NPAS3: variants seen among roughly 807,000 people sequenced by gnomAD.
NPAS3 encodes the protein neuronal PAS domain-containing protein 3.
NPAS3 carries 14 observed loss-of-function variants against 73.1 expected under a neutral mutation model. The observed-to-expected ratio is 0.19, with a 90% CI of 0.13 to 0.30. The LOEUF (loss-of-function observed/expected upper bound fraction) is 0.30. Ranked by LOEUF, NPAS3 falls within the 10% of genes least tolerant of loss-of-function variation. The pLI is 1.00. For synonymous variants in NPAS3, 620 were observed against 541.5 expected (o/e 1.14, Z -2.01); for missense variants, 1,096 against 1,250.0 (o/e 0.88, Z 1.86).
At chr14:33,006,875 T>C (rs1161109127) in intron 1 of NPAS3, among the ~76,000 whole-genome samples, 1 of 152,178 alleles carries the variant, frequency 6.6e-6, no homozygotes, top group Non-Finnish European at 1.5e-5. Flanking sequence ...AATCAGAACA[T>C]TTATAATTCT....
At chr14:33,006,523 A>G (rs1168392399) in intron 1 of NPAS3, among the ~76,000 whole-genome samples, 1 of 152,204 alleles carries the variant, frequency 6.6e-6, no homozygotes, top group Non-Finnish European at 1.5e-5. Flanking sequence ...ATGGGTTACC[A>G]CAGCCTGGTC....
intron 6 of NPAS3, among the ~76,000 whole-genome samples, chr14:33,685,136 T>C (rs1461921501): frequency 6.6e-6 from 1 of 152,100 alleles, no homozygotes; most frequent in African/African-American, 2.4e-5. Flanking sequence ...GTGTCAGACA[T>C]ACAAAACACC....
At chr14:33,512,572 C>T (rs1328161154) in intron 4 of NPAS3, among the ~76,000 whole-genome samples, 2 of 152,066 alleles carry the variant, frequency 1.3e-5, no homozygotes, top group Non-Finnish European at 2.9e-5. Flanking sequence ...TGAGCAGCTA[C>T]AGGATAAAGA....
chr14:33,196,190 T>C (rs12436285), intron 2 of NPAS3, among the ~76,000 whole-genome samples: 32,128 of 152,180 alleles, frequency 0.21, 3,845 homozygotes, highest in South Asian at 0.38. Flanking sequence ...TTGAATAGCC[T>C]CCTATGTGTA....
chr14:33,613,026 C>T (rs2140057607), intron 5 of NPAS3, among the ~76,000 whole-genome samples: 1 of 152,196 alleles, frequency 6.6e-6, no homozygotes, highest in Admixed American at 6.5e-5. Context: ...TTTATAATTC[C>T]TGATAGAGAT....
intron 1 of NPAS3, among the ~76,000 whole-genome samples, chr14:32,939,739 C>G (rs913235950): frequency 1.3e-5 from 2 of 151,930 alleles, no homozygotes; most frequent in African/African-American, 4.8e-5. Flanking sequence ...GGCCGGGGAT[C>G]CCCGGGGCCG....
rs17101408 is a variant in NPAS3, at chr14:33,511,401, A to G, written c.469-48720A>G. ...TCCCTTTCGGCAGGTTTCACCAGAC[A>G]ATTCAATTATGAACTGTTTTAGAAA... is the stretch of plus-strand genomic sequence containing the variant. On this transcript the variant is annotated intron_variant, in intron 4 of 11. Transcript: ENST00000356141. Among the ~76,000 whole-genome samples the G allele has an allele frequency of 4.3e-3, 656 of 152,196 alleles. 7 individuals are homozygous for G. Among genetic ancestry groups the G allele is most frequent in the African/African-American group, 0.015 (619 of 41,560 alleles).
At chr14:33,728,151 G>A (rs963752339) in intron 6 of NPAS3, among the ~76,000 whole-genome samples, 1 of 152,084 alleles carries the variant, frequency 6.6e-6, no homozygotes, top group Admixed American at 6.6e-5. Flanking sequence ...CTCCCTCAGG[G>A]GACAGTCTCA....
intron 5 of NPAS3, among the ~76,000 whole-genome samples, chr14:33,581,617 C>A (rs2056666634): frequency 6.6e-6 from 1 of 152,214 alleles, no homozygotes; most frequent in Admixed American, 6.5e-5. Flanking sequence ...GTCGCCCAGG[C>A]TGGAGTGCAG....
chr14:32,985,198 A>T (rs912502841), intron 1 of NPAS3, among the ~76,000 whole-genome samples: 1 of 152,182 alleles, frequency 6.6e-6, no homozygotes, highest in Admixed American at 6.5e-5. Flanking sequence ...AGAAAATGGT[A>T]AACAAAGAAA....
chr14:33,752,293 C>T (rs2061987459), intron 7 of NPAS3, among the ~76,000 whole-genome samples: 1 of 152,002 alleles, frequency 6.6e-6, no homozygotes, highest in African/African-American at 2.4e-5. Context: ...ATAATCAGTG[C>T]TCTCAACTGC....
intron 1 of NPAS3, among the ~76,000 whole-genome samples, chr14:32,989,480 T>C (rs2038228585): frequency 6.6e-6 from 1 of 151,936 alleles, no homozygotes; most frequent in African/African-American, 2.4e-5. Flanking sequence ...CCGTCTCTAC[T>C]AAAAATACAA....
At chr14:33,167,393 G>A (rs2045203548) in intron 2 of NPAS3, among the ~76,000 whole-genome samples, 1 of 151,986 alleles carries the variant, frequency 6.6e-6, no homozygotes, top group South Asian at 2.1e-4. Flanking sequence ...ATGGAAAATG[G>A]AATGAATACA....
chr14:33,515,681 G>A (rs1167120360), intron 4 of NPAS3, among the ~76,000 whole-genome samples: 4 of 151,992 alleles, frequency 2.6e-5, no homozygotes, highest in African/African-American at 2.4e-5. Context: ...TCCAACTCAC[G>A]GAATACAGTC....
intron 3 of NPAS3, among the ~76,000 whole-genome samples, chr14:33,283,931 G>T (rs183845181): frequency 6.6e-6 from 1 of 152,162 alleles, no homozygotes. Context: ...GATCAGAATT[G>T]TGGCCTCCTC....
At chr14:33,315,532 G>A (rs559033349) in intron 3 of NPAS3, among the ~76,000 whole-genome samples, 1 of 151,950 alleles carries the variant, frequency 6.6e-6, no homozygotes, top group East Asian at 1.9e-4. Context: ...TTGTGTGTGT[G>A]TATGTGTGTG....
At chr14:33,502,832 T>C (rs2052582659) in intron 4 of NPAS3, among the ~76,000 whole-genome samples, 1 of 151,972 alleles carries the variant, frequency 6.6e-6, no homozygotes, top group African/African-American at 2.4e-5. Flanking sequence ...CTTCTATTTC[T>C]TACCAATCCG....
At chr14:33,127,309 T>G (rs1407158084) in intron 2 of NPAS3, among the ~76,000 whole-genome samples, 1 of 152,176 alleles carries the variant, frequency 6.6e-6, no homozygotes, top group Non-Finnish European at 1.5e-5. Context: ...GAGTATGCTA[T>G]GAAGTGTTTG....
intron 2 of NPAS3, among the ~76,000 whole-genome samples, chr14:33,140,571 T>C (rs1426814952): frequency 6.6e-6 from 1 of 152,154 alleles, no homozygotes; most frequent in African/African-American, 2.4e-5. Flanking sequence ...TGAATGTATT[T>C]ATTAAATCAT....
Sources: gnomAD v4.1 joint callset for allele counts (sites outside exome capture counted in the v4.1 genomes callset) on GRCh38, gnomAD v4.1.1 for gene constraint, MANE v1.5 for transcripts, NCBI Gene and HGNC (gene_info 2026-07-23, HGNC 2026-07-21) for gene names.